CCSER1: variants seen among roughly 807,000 people sequenced by gnomAD.
CCSER1 encodes the protein coiled-coil serine rich protein 1.
Under a neutral mutation model 82.0 loss-of-function variants are expected in CCSER1, and 41 were observed. That is an observed-to-expected ratio of 0.50 (90% CI 0.39 to 0.65). CCSER1 has a LOEUF of 0.65. Ranked by LOEUF, CCSER1 falls within the 30% of genes least tolerant of loss-of-function variation. CCSER1 has a pLI of 0.00. For missense variants in CCSER1, 1,119 were observed against 1,064.2 expected, an observed-to-expected ratio of 1.05 and a Z score of -0.72; for synonymous variants, 414 against 383.9, an observed-to-expected ratio of 1.08 and a Z score of -0.92.
At chr4:90,815,181 A>G (rs1267940872) in intron 7 of CCSER1, among the ~76,000 whole-genome samples, 1 of 144,622 alleles carries the variant, frequency 6.9e-6, no homozygotes, top group Non-Finnish European at 1.5e-5. Flanking sequence ...AGAGAGTCTC[A>G]GGGAAAACTG....
chr4:90,941,699 CTTG>C (rs1018975307), intron 9 of CCSER1, among the ~76,000 whole-genome samples: 18 of 152,100 alleles, frequency 1.2e-4, no homozygotes, highest in African/African-American at 3.4e-4. Context: ...AAATCTCTGT[CTTG>C]TTGGTGATTT....
chr4:90,362,022 C>T (rs554760343), intron 3 of CCSER1, among the ~76,000 whole-genome samples: 8 of 152,260 alleles, frequency 5.3e-5, no homozygotes, highest in East Asian at 1.9e-4. Context: ...TTACTTTCTA[C>T]GTTAAAAGAT....
At chr4:90,294,120 C>T (rs1052330108) in intron 1 of CCSER1, among the ~76,000 whole-genome samples, 16 of 152,018 alleles carry the variant, frequency 1.1e-4, no homozygotes, top group African/African-American at 1.4e-4. Flanking sequence ...AGATAGAATC[C>T]GAGCTGTTAC....
chr4:90,648,934 C>T (rs146227639), intron 6 of CCSER1, among the ~76,000 whole-genome samples: 39 of 152,274 alleles, frequency 2.6e-4, no homozygotes, highest in Non-Finnish European at 4.1e-4. Context: ...GAGAGTAACA[C>T]GGTCTTATAA....
chr4:90,704,370 T>G (rs1738839856), intron 6 of CCSER1, among the ~76,000 whole-genome samples: 1 of 152,226 alleles, frequency 6.6e-6, no homozygotes, highest in Non-Finnish European at 1.5e-5. Flanking sequence ...CTTCCCTTTG[T>G]GGGTAACCCG....
intron 1 of CCSER1, among the ~76,000 whole-genome samples, chr4:90,160,431 T>G (rs557031798): frequency 3.1e-4 from 47 of 152,168 alleles, no homozygotes; most frequent in Non-Finnish European, 5.1e-4. Context: ...TGAGCAACCA[T>G]GAAAGTAGGA....
chr4:91,338,742 G>T (rs1479390147), intron 10 of CCSER1, among the ~76,000 whole-genome samples: 1 of 152,070 alleles, frequency 6.6e-6, no homozygotes, highest in Non-Finnish European at 1.5e-5. Context: ...TCACTTATAT[G>T]GCATTTCAGT....
At chr4:91,525,178 C>T (rs1516702) in intron 10 of CCSER1, among the ~76,000 whole-genome samples, 5,286 of 151,994 alleles carry the variant, frequency 0.035, 189 homozygotes, top group South Asian at 0.16. Flanking sequence ...AAGAAATATA[C>T]AGGAGAGTAT....
intron 9 of CCSER1, among the ~76,000 whole-genome samples, chr4:91,032,876 A>G (rs1288046841): frequency 6.6e-6 from 1 of 152,168 alleles, no homozygotes; most frequent in Non-Finnish European, 1.5e-5. Context: ...AGATGATGCC[A>G]GTGTAGGTAG....
chr4:91,287,836 A>G (rs562323474), intron 10 of CCSER1, among the ~76,000 whole-genome samples: 18 of 151,998 alleles, frequency 1.2e-4, no homozygotes, highest in Admixed American at 1.1e-3. Context: ...GAAAGGCACA[A>G]AGGAAAAATG....
At chr4:90,287,729 A>G (rs1730165552) in intron 1 of CCSER1, among the ~76,000 whole-genome samples, 1 of 151,954 alleles carries the variant, frequency 6.6e-6, no homozygotes, top group African/African-American at 2.4e-5. Context: ...TTAGAAATGA[A>G]TTTATTTTTA....
chr4:90,320,785 T>C (rs1368520934), intron 3 of CCSER1, among the ~76,000 whole-genome samples: 2 of 152,130 alleles, frequency 1.3e-5, no homozygotes, highest in Non-Finnish European at 2.9e-5. Flanking sequence ...TTAGAAGCTG[T>C]CACAATTTGT....
chr4:90,167,715 A>C (rs968034265), intron 1 of CCSER1, among the ~76,000 whole-genome samples: 4 of 151,872 alleles, frequency 2.6e-5, no homozygotes, highest in African/African-American at 9.7e-5. Flanking sequence ...ATGAGTGAGA[A>C]CATGCAGTGT....
chr4:90,535,636 A>G (rs901280169), intron 5 of CCSER1, among the ~76,000 whole-genome samples: 1 of 152,190 alleles, frequency 6.6e-6, no homozygotes, highest in African/African-American at 2.4e-5. Flanking sequence ...GAATGTAAGC[A>G]CTATAAGTAC....
At chr4:91,032,766 A>G (rs770966348) in intron 9 of CCSER1, among the ~76,000 whole-genome samples, 6 of 152,232 alleles carry the variant, frequency 3.9e-5, no homozygotes, top group Non-Finnish European at 8.8e-5. Context: ...AATTGCCTGG[A>G]AGGCATTTTA....
chr4:91,386,256 T>A (rs1751279100), intron 10 of CCSER1, among the ~76,000 whole-genome samples: 1 of 151,926 alleles, frequency 6.6e-6, no homozygotes, highest in South Asian at 2.1e-4. Context: ...TAGGAGTTTA[T>A]CAAAAGGTCA....
intron 3 of CCSER1, among the ~76,000 whole-genome samples, chr4:90,360,411 T>C (rs1297704656): frequency 3.3e-5 from 5 of 149,790 alleles, no homozygotes; most frequent in Non-Finnish European, 1.5e-5. Context: ...GTGCCTGTAG[T>C]CCCAGCTACT....
chr4:90,674,033 A>T (rs1256618671), intron 6 of CCSER1, among the ~76,000 whole-genome samples: 1 of 151,968 alleles, frequency 6.6e-6, no homozygotes, highest in African/African-American at 2.4e-5. Flanking sequence ...CTTGATGTTG[A>T]CATTTCAAGG....
At chr4:90,600,357 T>G (rs1783886370) in intron 5 of CCSER1, among the ~76,000 whole-genome samples, 1 of 152,166 alleles carries the variant, frequency 6.6e-6, no homozygotes, top group African/African-American at 2.4e-5. Context: ...ACAGTCAGAC[T>G]TTTTAGTTTT....
Sources: gnomAD v4.1 joint callset for allele counts (sites outside exome capture counted in the v4.1 genomes callset) on GRCh38, gnomAD v4.1.1 for gene constraint, MANE v1.5 for transcripts, NCBI Gene and HGNC (gene_info 2026-07-23, HGNC 2026-07-21) for gene names.